CCDC102B: variants seen among roughly 807,000 people sequenced by gnomAD.
The protein encoded by CCDC102B is coiled-coil domain containing 102B, also known as coiled-coil domain-containing protein 102B.
In CCDC102B, 75 loss-of-function variants were observed where a neutral mutation model predicts 57.4. The observed-to-expected ratio is 1.31, with a 90% CI of 1.08 to 1.58. The LOEUF (loss-of-function observed/expected upper bound fraction) is 1.58, where lower values mean the gene tolerates loss of function less well. Ranked by LOEUF, CCDC102B falls within the 40% of genes most tolerant of loss-of-function variation. The probability of loss-of-function intolerance (pLI) is 0.00; values close to 1 mark genes in which losing one functional copy is unlikely to be tolerated. For synonymous variants in CCDC102B, 206 were observed against 201.9 expected (o/e 1.02, Z -0.17); for missense variants, 636 against 582.6 (o/e 1.09, Z -0.94).
chr18:68,830,607 A>G (rs1450907414), intron 1 of CCDC102B, among the ~76,000 whole-genome samples: 1 of 151,276 alleles, frequency 6.6e-6, no homozygotes, highest in Admixed American at 6.6e-5. Flanking sequence ...TTATATATAC[A>G]TGTATATGTA....
chr18:68,765,173 A>G (rs151043304), intron 2 of CCDC102B, among the ~76,000 whole-genome samples: 3 of 150,692 alleles, frequency 2.0e-5, no homozygotes, highest in East Asian at 3.9e-4. Context: ...GCAATAAGCT[A>G]TAATAGTGCC....
chr18:68,771,370 T>C (rs2034631483), intron 2 of CCDC102B, among the ~76,000 whole-genome samples: 1 of 152,204 alleles, frequency 6.6e-6, no homozygotes, highest in Non-Finnish European at 1.5e-5. Flanking sequence ...TGGTGATACC[T>C]GTGGCATGTA....
chr18:68,955,304 C>A (rs2049814130), intron 6 of CCDC102B, among the ~76,000 whole-genome samples: 1 of 152,004 alleles, frequency 6.6e-6, no homozygotes, highest in East Asian at 1.9e-4. Context: ...TGCCGCCATC[C>A]ATTACTTTCT....
At chr18:69,053,652 A>G (rs1199148662) in intron 7 of CCDC102B, among the ~76,000 whole-genome samples, 1 of 151,882 alleles carries the variant, frequency 6.6e-6, no homozygotes, top group Non-Finnish European at 1.5e-5. Context: ...CTTGTTTTTA[A>G]AGAGTTACTT....
At chr18:68,958,983 C>A (rs902920248) in intron 6 of CCDC102B, among the ~76,000 whole-genome samples, 1 of 152,124 alleles carries the variant, frequency 6.6e-6, no homozygotes, top group Non-Finnish European at 1.5e-5. Context: ...ACACATCTGT[C>A]TCTGCAGAAT....
chr18:68,719,173 A>G (rs1375443030), intron 2 of CCDC102B, among the ~76,000 whole-genome samples: 1 of 152,224 alleles, frequency 6.6e-6, no homozygotes, highest in African/African-American at 2.4e-5. Context: ...AAATTATACC[A>G]TTAAAAATGA....
At chr18:68,982,529 C>T (rs1353077947) in intron 6 of CCDC102B, among the ~76,000 whole-genome samples, 1 of 151,936 alleles carries the variant, frequency 6.6e-6, no homozygotes, top group African/African-American at 2.4e-5. Flanking sequence ...ACAAGGCACT[C>T]TGATTTGGAT....
intron 6 of CCDC102B, among the ~76,000 whole-genome samples, chr18:68,990,642 T>A (rs750511121): frequency 4.6e-5 from 7 of 152,226 alleles, no homozygotes; most frequent in Non-Finnish European, 1.0e-4. Context: ...ACTCTCATTG[T>A]TTTCGCTATC....
chr18:69,039,907 AT>A (rs145725418), intron 7 of CCDC102B, among the ~76,000 whole-genome samples: 11,353 of 151,848 alleles, frequency 0.075, 687 homozygotes, highest in African/African-American at 0.16. Context: ...AATAGTAAGG[AT>A]TTTTTTCCTA....
chr18:68,757,670 A>G (rs1242363784), intron 2 of CCDC102B, among the ~76,000 whole-genome samples: 1 of 152,112 alleles, frequency 6.6e-6, no homozygotes, highest in Non-Finnish European at 1.5e-5. Flanking sequence ...TAAACATTAC[A>G]TAGTATTTAA....
intron 5 of CCDC102B, among the ~76,000 whole-genome samples, chr18:68,877,744 A>G (rs1196886083): frequency 6.6e-6 from 1 of 152,208 alleles, no homozygotes; most frequent in Non-Finnish European, 1.5e-5. Context: ...ATGTTTTCCT[A>G]TGAACTGACA....
At chr18:68,787,418 T>C (rs1225438139) in intron 2 of CCDC102B, among the ~76,000 whole-genome samples, 2 of 151,334 alleles carry the variant, frequency 1.3e-5, no homozygotes, top group East Asian at 1.9e-4. Context: ...AGTTCCTCCT[T>C]GTACCTCTGG....
chr18:68,852,587 T>A (rs1448355820), intron 4 of CCDC102B, among the ~76,000 whole-genome samples: 1 of 152,194 alleles, frequency 6.6e-6, no homozygotes, highest in African/African-American at 2.4e-5. Context: ...CAAATTCAAA[T>A]TTTGCTTTTC....
At chr18:68,951,190 T>G (rs1245642237) in intron 6 of CCDC102B, among the ~76,000 whole-genome samples, 5 of 152,022 alleles carry the variant, frequency 3.3e-5, no homozygotes, top group Admixed American at 3.3e-4. Flanking sequence ...ACAGATGATG[T>G]TAGGGAGTTC....
intron 6 of CCDC102B, among the ~76,000 whole-genome samples, chr18:68,943,412 T>A (rs912839931): frequency 1.3e-5 from 2 of 152,164 alleles, no homozygotes; most frequent in Admixed American, 6.5e-5. Context: ...TGGTCTATTA[T>A]GGTACTTTTC....
chr18:68,717,744 C>T (rs1365242480), intron 2 of CCDC102B, among the ~76,000 whole-genome samples: 2 of 147,114 alleles, frequency 1.4e-5, no homozygotes, highest in Non-Finnish European at 2.9e-5. Flanking sequence ...ACTATTTTGA[C>T]AACATTTTTT....
chr18:68,719,801 A>G (rs1453294863), intron 2 of CCDC102B, among the ~76,000 whole-genome samples: 2 of 152,234 alleles, frequency 1.3e-5, no homozygotes, highest in African/African-American at 4.8e-5. Flanking sequence ...ATCAAAAAAT[A>G]GGGAACACTC....
At position 68,846,350 on chromosome 18, in the gene CCDC102B, G is replaced by A. The variant is rs1399169864; in HGVS notation, c.865G>A (p.Glu289Lys). ...TALEKEIERL[E>K]SALSLWKWKY... ...TTTGGAAAAAGAAATAGAGAGACTG[G>A]AGTCGGCTTTGTCTCTGTGGAAGTG... Residue 289 changes from glutamate (E) to lysine (K), a missense_variant, in exon 4 of 8, where the codon GAG (glutamate) becomes AAG (lysine). By Grantham distance (56) the Glu-to-Lys change is moderately conservative. Transcript: ENST00000360242. The A allele has an allele frequency of 1.3e-6, 2 of 1,580,832 alleles. No individual in the cohort carries two copies. Among genetic ancestry groups the A allele is most frequent in the Non-Finnish European group, 1.7e-6 (2 of 1,166,634 alleles).
upstream of CCDC102B, among the ~76,000 whole-genome samples, chr18:68,795,544 T>C (rs1194416832): frequency 6.6e-6 from 1 of 152,114 alleles, no homozygotes; most frequent in Non-Finnish European, 1.5e-5. Flanking sequence ...CTCTTCCTAA[T>C]TTTGGTGATG....
Sources: gnomAD v4.1 joint callset for allele counts (sites outside exome capture counted in the v4.1 genomes callset) on GRCh38, gnomAD v4.1.1 for gene constraint, MANE v1.5 for transcripts, NCBI Gene and HGNC (gene_info 2026-07-23, HGNC 2026-07-21) for gene names.